Variants in RALGAPA2 observed in about 807,000 individuals in gnomAD.
RALGAPA2 encodes Ral GTPase activating protein catalytic subunit alpha 2.
In RALGAPA2, 139 loss-of-function variants were observed where a neutral mutation model predicts 230.4. That is an observed-to-expected ratio of 0.60 (90% CI 0.53 to 0.69). The LOEUF is 0.69. Among genes scored for constraint, RALGAPA2 ranks in the 30% least tolerant of loss-of-function variants. The pLI is 0.00. For missense variants in RALGAPA2, 2,163 were observed against 2,276.0 expected (o/e 0.95, Z 1.01); for synonymous variants, 847 against 837.8 (o/e 1.01, Z -0.19).
chr20:20,503,317 G>A lies in RALGAPA2; in HGVS notation c.5208+34C>T, dbSNP rs767748601. 5.5e-6 allele frequency: 8 copies of A among 1,461,966 alleles called. No homozygotes were observed. The East Asian group carries it at 7.3e-5, about 13-fold the overall frequency. 90.6% of individuals were successfully genotyped at this position (1,461,966 alleles called of 1,614,324 possible). On this transcript the variant is annotated intron_variant, in intron 35 of 39. Transcript: ENST00000202677. ...AGGAGAGCCTCACCTACAAACCAGG[G>A]CAGCTAAGAATGGTGCCCGAGGAGA...
intron 20 of RALGAPA2, among the ~76,000 whole-genome samples, chr20:20,574,946 G>T (rs2064772294): frequency 6.6e-6 from 1 of 152,110 alleles, no homozygotes; most frequent in African/African-American, 2.4e-5. Context: ...GCTTGAGTAG[G>T]CCACCAAAGA....
chr20:20,404,951 T>C (rs1207698046), intron 38 of RALGAPA2, among the ~76,000 whole-genome samples: 2 of 152,208 alleles, frequency 1.3e-5, no homozygotes, highest in African/African-American at 4.8e-5. Context: ...GCCCCAGGGT[T>C]GTCAGGAGTG....
chr20:20,568,662 T>C (rs757311612), intron 23 of RALGAPA2, among the ~76,000 whole-genome samples: 28 of 152,246 alleles, frequency 1.8e-4, no homozygotes, highest in Non-Finnish European at 3.7e-4. Context: ...CAACACTTTA[T>C]TGGTCACTAC....
At chr20:20,696,638 C>T (rs1182908966) in intron 1 of RALGAPA2, among the ~76,000 whole-genome samples, 1 of 151,988 alleles carries the variant, frequency 6.6e-6, no homozygotes, top group African/African-American at 2.4e-5. Flanking sequence ...ATCCTCCACC[C>T]CTCCACCCCT....
At chr20:20,620,825 G>A (rs1432136488) in intron 10 of RALGAPA2, among the ~76,000 whole-genome samples, 195 bp from the exon 11 acceptor site, 1 of 152,026 alleles carries the variant, frequency 6.6e-6, no homozygotes, top group Non-Finnish European at 1.5e-5. Context: ...TCTCATAAGA[G>A]AGCCCTAAAA....
chr20:20,633,028 TCTTTCTTTCTTTTTCTTTCCTTC>T (rs2066733826), intron 9 of RALGAPA2, among the ~76,000 whole-genome samples: 3 of 151,234 alleles, frequency 2.0e-5, no homozygotes, highest in African/African-American at 7.3e-5. Flanking sequence ...TCTCTCTCTT[TCTTTCTTTCTTTTTCTTTCCTTC>T]CTTTCTTTCT....
chr20:20,482,948 C>A (rs1198643871), intron 36 of RALGAPA2, among the ~76,000 whole-genome samples: 1 of 152,224 alleles, frequency 6.6e-6, no homozygotes, highest in East Asian at 1.9e-4. Flanking sequence ...TTGCCTACTC[C>A]TGCTCATCTA....
At chr20:20,619,977 C>A (rs750485417) in intron 11 of RALGAPA2, among the ~76,000 whole-genome samples, 15 of 152,166 alleles carry the variant, frequency 9.9e-5, no homozygotes, top group Non-Finnish European at 2.1e-4. Flanking sequence ...AGGAGGCCAG[C>A]ACTCAGCGAG....
chr20:20,664,924 C>T (rs1401278466), intron 3 of RALGAPA2, among the ~76,000 whole-genome samples: 1 of 152,142 alleles, frequency 6.6e-6, no homozygotes, highest in Non-Finnish European at 1.5e-5. Flanking sequence ...AAAGCCAGTG[C>T]ACAAAGGCTT....
chr20:20,576,612 CTAAT>C (rs1234522236), intron 20 of RALGAPA2, among the ~76,000 whole-genome samples: 1 of 152,106 alleles, frequency 6.6e-6, no homozygotes, highest in Non-Finnish European at 1.5e-5. Context: ...GAGATGGTCT[CTAAT>C]TATGTTTTTT....
rs923757589 is a variant in RALGAPA2, at chr20:20,712,615, C to T, written c.-135G>A. 2 of 1,189,922 alleles carry T rather than the reference C, an allele frequency of 1.7e-6. No individual in the cohort carries two copies. Among genetic ancestry groups the T allele is most frequent in the Admixed American group, 4.6e-5 (1 of 21,826 alleles). The allele number at this position is 1,189,922 out of a possible 1,614,324, so 73.7% of individuals were successfully genotyped here. On this transcript the variant is annotated 5_prime_UTR_variant, in exon 1 of 40. Transcript: ENST00000202677. This position sits in a 1 kb window ranked among gnomAD's most constrained non-coding sequence, Gnocchi z 5.5. ...CCAGCCCCGCTGCTGCCGCCGCCGCCGCCGCCGCCGCCGCCTCAGCTGTGT... is the reference window on the plus strand; with the variant it reads ...CCAGCCCCGCTGCTGCCGCCGCCGCTGCCGCCGCCGCCGCCTCAGCTGTGT...
At chr20:20,455,625 T>C (rs1158372005) in intron 37 of RALGAPA2, among the ~76,000 whole-genome samples, 1 of 152,350 alleles carries the variant, frequency 6.6e-6, no homozygotes, top group South Asian at 2.1e-4. Flanking sequence ...AGAATGTGGA[T>C]ACATCTTTAA....
At chr20:20,559,329 A>G (rs1251376260) in intron 23 of RALGAPA2, among the ~76,000 whole-genome samples, 1 of 152,088 alleles carries the variant, frequency 6.6e-6, no homozygotes, top group East Asian at 1.9e-4. Context: ...CCTCCCATTT[A>G]GACAATTCGT....
At chr20:20,567,563 G>A (rs1038719878) in intron 23 of RALGAPA2, among the ~76,000 whole-genome samples, 7 of 152,296 alleles carry the variant, frequency 4.6e-5, no homozygotes, top group East Asian at 1.9e-4. Flanking sequence ...GGACCAATAC[G>A]CTTGCTGTGA....
chr20:20,422,984 C>T (rs1306094329), intron 37 of RALGAPA2, among the ~76,000 whole-genome samples: 3 of 152,134 alleles, frequency 2.0e-5, no homozygotes, highest in African/African-American at 7.2e-5. Flanking sequence ...TTGGAATCTC[C>T]GAAGGTTTTA....
intron 37 of RALGAPA2, among the ~76,000 whole-genome samples, chr20:20,463,474 A>G (rs1050043870): frequency 1.3e-5 from 2 of 152,196 alleles, no homozygotes; most frequent in Non-Finnish European, 2.9e-5. Flanking sequence ...GAAAATGACT[A>G]GATAATATTT....
intron 35 of RALGAPA2, among the ~76,000 whole-genome samples, chr20:20,501,641 T>C (rs907570440): frequency 6.6e-6 from 1 of 152,192 alleles, no homozygotes; most frequent in African/African-American, 2.4e-5. Context: ...TTCACTGGAG[T>C]AGCACTTTTA....
chr20:20,697,085 T>C (rs1210461192), intron 1 of RALGAPA2, among the ~76,000 whole-genome samples: 2 of 152,196 alleles, frequency 1.3e-5, no homozygotes, highest in African/African-American at 4.8e-5. Context: ...CCATAAGTGC[T>C]AGGGCTTCAT....
chr20:20,667,919 G>A (rs138308429), intron 3 of RALGAPA2, among the ~76,000 whole-genome samples: 132 of 152,268 alleles, frequency 8.7e-4, no homozygotes, highest in Middle Eastern at 6.8e-3. Flanking sequence ...TTGGAGCCAT[G>A]CTTCTCCAAC....
Sources: gnomAD v4.1 joint callset for allele counts (sites outside exome capture counted in the v4.1 genomes callset) on GRCh38, gnomAD v4.1.1 for gene constraint, Gnocchi (gnomAD v3.1) non-coding constraint, MANE v1.5 for transcripts, NCBI Gene and HGNC (gene_info 2026-07-23, HGNC 2026-07-21) for gene names.